TRPM3: variants seen among roughly 807,000 people sequenced by gnomAD.
TRPM3 encodes the protein long transient receptor potential channel 3.
In TRPM3, 77 loss-of-function variants were observed where a neutral mutation model predicts 181.2. The ratio of observed to expected loss-of-function variants is 0.42; its 90% CI spans 0.35 to 0.51. The LOEUF is 0.51. Among genes scored for constraint, TRPM3 ranks in the 20% least tolerant of loss-of-function variants. The pLI is 0.01. For synonymous variants in TRPM3, 745 were observed against 796.4 expected (o/e 0.94, Z 1.09); for missense variants, 1,759 against 2,196.7 (o/e 0.80, Z 3.98).
chr9:70,643,392 C>T (rs1039004956), intron 9 of TRPM3, among the ~76,000 whole-genome samples: 4 of 152,188 alleles, frequency 2.6e-5, no homozygotes, highest in Non-Finnish European at 5.9e-5. Context: ...TCAATAATAG[C>T]AGCACGAGCC....
rs7868908 is a variant in TRPM3, at chr9:70,932,898, C to G, written c.178-68387G>C. Among the ~76,000 whole-genome samples, 548 of 152,176 alleles carry G rather than the reference C, an allele frequency of 3.6e-3. 3 individuals are homozygous for G. The highest frequency in any genetic ancestry group is 0.012 in the African/African-American group (486 of 41,520). On this transcript the variant is annotated intron_variant, in intron 1 of 25. Transcript: ENST00000677713. ...TGAATGTAAGAAGACCATAAAAGGCCATTTTTATACTTTAGGCTAGAGGTA... is the reference window on the plus strand; with the variant it reads ...TGAATGTAAGAAGACCATAAAAGGCGATTTTTATACTTTAGGCTAGAGGTA...
chr9:70,623,838 T>C (rs1028221791), intron 14 of TRPM3, among the ~76,000 whole-genome samples: 1 of 151,642 alleles, frequency 6.6e-6, no homozygotes, highest in African/African-American at 2.4e-5. Flanking sequence ...AATGCACTTA[T>C]GCGATTGTTT....
At chr9:71,367,497 A>G (rs1208259128) in intron 1 of TRPM3, among the ~76,000 whole-genome samples, 1 of 152,104 alleles carries the variant, frequency 6.6e-6, no homozygotes, top group Non-Finnish European at 1.5e-5. Flanking sequence ...TTTTCTTTTT[A>G]ATTTTCTTTT....
chr9:71,424,556 T>A (rs1178694052), intron 1 of TRPM3, among the ~76,000 whole-genome samples: 1 of 152,092 alleles, frequency 6.6e-6, no homozygotes, highest in Non-Finnish European at 1.5e-5. Context: ...TTACTGACAA[T>A]GTTAGGTTTA....
At position 70,640,556 on chromosome 9, in the gene TRPM3, C is replaced by T. The variant is rs374230771; in HGVS notation, c.1446+4G>A. Reference sequence around the variant, plus strand: ...CTTTTCATGGGAGACGATATATACTCTACCGGCCACTGTTGCCCGTAAATA... The same window carrying T: ...CTTTTCATGGGAGACGATATATACTTTACCGGCCACTGTTGCCCGTAAATA... On this transcript the variant is annotated splice_donor_region_variant and intron_variant, in intron 10 of 25. Transcript: ENST00000677713. 2 of 1,611,768 alleles carry T rather than the reference C, an allele frequency of 1.2e-6. No individual in the cohort carries two copies. The highest frequency in any genetic ancestry group is 2.7e-5 in the African/African-American group (2 of 74,902).
intron 1 of TRPM3, among the ~76,000 whole-genome samples, chr9:71,005,062 G>A (rs1045453661): frequency 2.0e-5 from 3 of 152,152 alleles, no homozygotes; most frequent in African/African-American, 7.2e-5. Context: ...AAGCCAATTT[G>A]AGAAAATAAT....
chr9:70,944,000 G>A (rs975151782), intron 1 of TRPM3, among the ~76,000 whole-genome samples: 1 of 152,086 alleles, frequency 6.6e-6, no homozygotes, highest in Admixed American at 6.6e-5. Context: ...GGCTGGTCTC[G>A]AACTGCTGAC....
At chr9:71,204,344 A>G (rs2078992822) in intron 1 of TRPM3, among the ~76,000 whole-genome samples, 1 of 152,056 alleles carries the variant, frequency 6.6e-6, no homozygotes, top group African/African-American at 2.4e-5. Context: ...AGAATCTACA[A>G]TGAACTCAAA....
chr9:71,187,717 G>A (rs1244787320), intron 1 of TRPM3, among the ~76,000 whole-genome samples: 1 of 151,828 alleles, frequency 6.6e-6, no homozygotes, highest in Non-Finnish European at 1.5e-5. Context: ...AGCCTCCTCT[G>A]TTTCCCCATT....
At chr9:71,334,863 A>G (rs971482325) in intron 1 of TRPM3, among the ~76,000 whole-genome samples, 1 of 152,072 alleles carries the variant, frequency 6.6e-6, no homozygotes, top group African/African-American at 2.4e-5. Flanking sequence ...TTACTGCATT[A>G]TTTTCTTCTC....
chr9:71,432,600 T>G (rs2093974699), intron 1 of TRPM3, among the ~76,000 whole-genome samples: 1 of 152,206 alleles, frequency 6.6e-6, no homozygotes, highest in Non-Finnish European at 1.5e-5. Context: ...TTAATTTCAT[T>G]TAGTGTGGGA....
At chr9:70,748,594 G>T (rs2075589674) in intron 8 of TRPM3, among the ~76,000 whole-genome samples, 1 of 152,138 alleles carries the variant, frequency 6.6e-6, no homozygotes, top group Non-Finnish European at 1.5e-5. Context: ...TTGCCCTGAT[G>T]AATGGGATTA....
chr9:70,778,960 A>G (rs1231799554), intron 7 of TRPM3, among the ~76,000 whole-genome samples: 1 of 152,098 alleles, frequency 6.6e-6, no homozygotes, highest in Non-Finnish European at 1.5e-5. Context: ...TTGCAGAGAA[A>G]CACGCTTTTG....
intron 22 of TRPM3, among the ~76,000 whole-genome samples, chr9:70,581,515 A>G (rs1001376950): frequency 6.6e-6 from 1 of 152,234 alleles, no homozygotes; most frequent in Non-Finnish European, 1.5e-5. Context: ...CATCTGAGGA[A>G]AGGCAACTAA....
In TRPM3 at chr9:70,846,580, T is replaced by G; in HGVS notation, c.474A>C (p.Val158=). ...GHSNKAMYVR[V]SFDTKPDLLL... ...GGAGATCAGGTTTTGTATCAAAAGA[T>G]ACTCGCACATACTGGAAGAAGAAAG... The change falls in exon 4 of 26, where the codon GTA becomes GTC. Residue 158 remains valine, a synonymous_variant. Transcript: ENST00000677713. 1 of 1,613,996 alleles carries G rather than the reference T, an allele frequency of 6.2e-7. No homozygotes were observed.
intron 1 of TRPM3, among the ~76,000 whole-genome samples, chr9:71,157,161 G>A (rs541845781): frequency 6.6e-6 from 1 of 152,194 alleles, no homozygotes; most frequent in South Asian, 2.1e-4. Flanking sequence ...AATAGAAAAT[G>A]AATAACAGTA....
intron 1 of TRPM3, among the ~76,000 whole-genome samples, chr9:71,025,992 T>C (rs114403945): frequency 2.8e-3 from 431 of 152,304 alleles, no homozygotes; most frequent in African/African-American, 9.7e-3. Context: ...AACCTGCTCT[T>C]ACCATGGGCC....
intron 1 of TRPM3, among the ~76,000 whole-genome samples, chr9:71,366,933 A>T (rs1398674512): frequency 1.3e-5 from 2 of 152,206 alleles, no homozygotes; most frequent in East Asian, 3.8e-4. Flanking sequence ...AGATTTTTAT[A>T]GAGCAAATGA....
At chr9:71,132,581 A>G (rs1048325990) in intron 1 of TRPM3, among the ~76,000 whole-genome samples, 3 of 151,760 alleles carry the variant, frequency 2.0e-5, no homozygotes, top group African/African-American at 7.2e-5. Context: ...GGAATTCACC[A>G]AACTATAAAC....
Sources: gnomAD v4.1 joint callset for allele counts (sites outside exome capture counted in the v4.1 genomes callset) on GRCh38, gnomAD v4.1.1 for gene constraint, MANE v1.5 for transcripts, NCBI Gene and HGNC (gene_info 2026-07-23, HGNC 2026-07-21) for gene names.